Variants in ADAMTS14 observed in about 807,000 individuals in gnomAD.
ADAMTS14 encodes the protein A disintegrin and metalloproteinase with thrombospondin motifs 14.
In ADAMTS14, 100 loss-of-function variants were observed where a neutral mutation model predicts 128.6. That is an observed-to-expected ratio of 0.78 (90% confidence interval 0.66 to 0.92). The LOEUF (loss-of-function observed/expected upper bound fraction) is 0.92. ADAMTS14 is among the 40% of genes least tolerant of loss of function. The pLI, the probability that ADAMTS14 is intolerant of heterozygous loss-of-function variation, is 0.00. For missense variants in ADAMTS14, 1,562 were observed against 1,658.6 expected (o/e 0.94, Z 1.01); for synonymous variants, 665 against 653.8 (o/e 1.02, Z -0.26).
chr10:70,715,473 G>T (rs903776509), intron 4 of ADAMTS14, among the ~76,000 whole-genome samples: 1 of 152,060 alleles, frequency 6.6e-6, no homozygotes. Flanking sequence ...TGAGTGGCCT[G>T]GTCTGAGCCC....
At chr10:70,727,332 G>A (rs1041930255) in intron 4 of ADAMTS14, among the ~76,000 whole-genome samples, 17 of 152,334 alleles carry the variant, frequency 1.1e-4, no homozygotes, top group Non-Finnish European at 1.8e-4. Context: ...ACTCTTCTCC[G>A]TGTGGTGGAC....
chr10:70,734,986 G>A (rs764717928), intron 8 of ADAMTS14, among the ~76,000 whole-genome samples, 183 bp from the exon 9 acceptor site: 4 of 152,242 alleles, frequency 2.6e-5, no homozygotes, highest in Non-Finnish European at 5.9e-5. Flanking sequence ...ACTGGTGGGA[G>A]TGAGGTCCTG....
Position 70,738,976 on chromosome 10 carries a change from C to T in ADAMTS14, c.1734C>T (p.Ser578=). The change falls in exon 11 of 22, where the codon AGC becomes AGT. Residue 578 remains serine (S), a synonymous_variant. Coordinates refer to ENST00000373207, the MANE Select transcript of ADAMTS14 (RefSeq NM_080722.4). Reference sequence around the variant, plus strand: ...GCGGGGTGCGATCCCGCAGCCGGAGCTGCAACAACCCCTCGTGAGTGTGCT... The same window carrying T: ...GCGGGGTGCGATCCCGCAGCCGGAGTTGCAACAACCCCTCGTGAGTGTGCT... ...CGGGVRSRSR[S]CNNPSPAYGG... 1 of 1,610,712 alleles carries T rather than the reference C, an allele frequency of 6.2e-7. No homozygotes were observed. The highest frequency in any genetic ancestry group is 1.1e-5 in the South Asian group (1 of 90,676).
At chr10:70,720,421 T>A (rs75624722) in intron 4 of ADAMTS14, among the ~76,000 whole-genome samples, 2 of 152,190 alleles carry the variant, frequency 1.3e-5, no homozygotes, top group Non-Finnish European at 2.9e-5. Flanking sequence ...CAATGTGGTA[T>A]GTGGCATAAA....
intron 6 of ADAMTS14, 132 bp from the exon 7 acceptor site, chr10:70,732,122 G>A (rs1841658010): frequency 2.5e-6 from 2 of 787,434 alleles, no homozygotes; most frequent in Admixed American, 4.1e-5. Context: ...GACTTTGTGA[G>A]CATCTGTCTT....
chr10:70,713,759 C>T (rs969715652), intron 4 of ADAMTS14, among the ~76,000 whole-genome samples: 7 of 152,132 alleles, frequency 4.6e-5, no homozygotes, highest in African/African-American at 1.7e-4. Flanking sequence ...TGAGTTGGAG[C>T]AGGACCTGTG....
In ADAMTS14 at chr10:70,760,854, GCTGTGCC is replaced by G. The variant is rs761111957; in HGVS notation, c.*5_*11del. The G allele has an allele frequency of 2.6e-6, 4 of 1,558,174 alleles. No individual in the cohort carries two copies. Among genetic ancestry groups the G allele is most frequent in the Non-Finnish European group, 3.5e-6 (4 of 1,150,324 alleles). ...CCCTGCTGCCTCCCCGGTGACATGA[GCTGTGCC>G]CTGCCATCCCACTGGCACGTTTACA... On this transcript the variant is annotated 3_prime_UTR_variant, in exon 22 of 22. Coordinates refer to ENST00000373207, the MANE Select transcript of ADAMTS14 (RefSeq NM_080722.4).
chr10:70,760,905 G>A lies in ADAMTS14; in HGVS notation c.*52G>A. 6 of 1,508,096 alleles carry A rather than the reference G, an allele frequency of 4.0e-6. No individual in the cohort carries two copies. Among genetic ancestry groups the A allele is most frequent in the African/African-American group, 1.4e-5 (1 of 71,824 alleles). 93.4% of individuals were successfully genotyped at this position (1,508,096 alleles called of 1,614,324 possible). On this transcript the variant is annotated 3_prime_UTR_variant, in exon 22 of 22. Transcript: ENST00000373207. ...GTTTACACTCTGTGTACTGCCCCGT[G>A]ACTCCCAGCTCAGAGGACACACATA... is the stretch of plus-strand genomic sequence containing the variant.
intron 2 of ADAMTS14, among the ~76,000 whole-genome samples, chr10:70,684,540 C>T (rs972807784): frequency 1.8e-4 from 27 of 152,248 alleles, no homozygotes. Flanking sequence ...CACATTGCCC[C>T]TAGGCAAGTG....
intron 10 of ADAMTS14, among the ~76,000 whole-genome samples, chr10:70,737,807 G>A (rs1402367382): frequency 6.6e-6 from 1 of 152,148 alleles, no homozygotes; most frequent in Non-Finnish European, 1.5e-5. Flanking sequence ...GCTGCATATT[G>A]GAATCATCCT....
chr10:70,727,560 G>A (rs879244046), intron 4 of ADAMTS14, among the ~76,000 whole-genome samples: 11 of 84,538 alleles, frequency 1.3e-4, no homozygotes, highest in South Asian at 2.7e-4. Context: ...ATCCCTGACC[G>A]CGCTGGTGGC....
intron 4 of ADAMTS14, 101 bp downstream of exon 4, chr10:70,708,879 G>A (rs72814560): frequency 0.032 from 31,235 of 968,426 alleles, 688 homozygotes; most frequent in Middle Eastern, 0.046. Context: ...AGTTTCTGGG[G>A]CCTGGTATTT....
Position 70,736,133 on chromosome 10 carries a change from G to T in ADAMTS14, c.1486-547G>T, listed in dbSNP as rs184854555. Among the ~76,000 whole-genome samples the T allele has an allele frequency of 5.9e-5, 9 of 152,344 alleles. No homozygotes were observed. In the East Asian group the frequency reaches 1.7e-3, roughly 29 times the overall value. ...GCTGTACTTGTAGGATGCTTGTCTG[G>T]CTGGCAGGGGATAAGAGGGAATATT... On this transcript the variant is annotated intron_variant, in intron 9 of 21. Transcript: ENST00000373207.
chr10:70,725,265 C>T (rs939533797), intron 4 of ADAMTS14, among the ~76,000 whole-genome samples: 3 of 151,950 alleles, frequency 2.0e-5, no homozygotes, highest in Admixed American at 1.3e-4. Context: ...CAGCAGAGGA[C>T]GTGGAAGGGA....
At chr10:70,702,873 C>T (rs1840540481) in intron 3 of ADAMTS14, among the ~76,000 whole-genome samples, 1 of 152,132 alleles carries the variant, frequency 6.6e-6, no homozygotes, top group Admixed American at 6.5e-5. Flanking sequence ...TGCCTGGTGT[C>T]TGGGCGTCAT....
At position 70,672,704 on chromosome 10, in the gene ADAMTS14, C is replaced by G. The variant is rs940492554; in HGVS notation, c.-99C>G. 2.3e-6 allele frequency: 3 copies of G among 1,319,792 alleles called. No individual in the cohort carries two copies. The African/African-American group carries it at 4.6e-5, about 20-fold the overall frequency. The allele number at this position is 1,319,792 out of a possible 1,614,324, so 81.8% of individuals were successfully genotyped here. On this transcript the variant is annotated 5_prime_UTR_variant, in exon 1 of 22. Transcript: ENST00000373207. ...CTGAGGCGGCAGCGGCGGCAGCCAG[C>G]CGGTGCTCCGACAGCCCGGGGCGCA...
chr10:70,732,762 C>G (rs958525298), intron 7 of ADAMTS14, among the ~76,000 whole-genome samples: 1 of 152,210 alleles, frequency 6.6e-6, no homozygotes, highest in Non-Finnish European at 1.5e-5. Context: ...TTGATCCAGC[C>G]CACCCTGATA....
At chr10:70,699,279 G>A (rs1840426404) in intron 2 of ADAMTS14, among the ~76,000 whole-genome samples, 1 of 152,096 alleles carries the variant, frequency 6.6e-6, no homozygotes, top group Admixed American at 6.5e-5. Flanking sequence ...TGTGCAATGG[G>A]TCTAACATTA....
rs774002711 is a variant in ADAMTS14 at position 70,730,098 on chromosome 10, G to A, written c.955-4G>A. On this transcript the variant is annotated splice_polypyrimidine_tract_variant and splice_region_variant and intron_variant, in intron 5 of 21. Coordinates refer to ENST00000373207, the MANE Select transcript of ADAMTS14 (RefSeq NM_080722.4). ...GGCTGTTGGTGCTCTCCCGGCCCCTGCAGTCCCTGAGCCTGATCGAGCGCG... is the reference window on the plus strand; with the variant it reads ...GGCTGTTGGTGCTCTCCCGGCCCCTACAGTCCCTGAGCCTGATCGAGCGCG... 6.3e-7 allele frequency: 1 copy of A among 1,591,318 alleles called. No individual in the cohort carries two copies.
Sources: allele counts gnomAD v4.1 joint callset (sites outside exome capture counted in the v4.1 genomes callset), GRCh38; gene constraint gnomAD v4.1.1; transcripts MANE v1.5; gene names NCBI Gene and HGNC (gene_info 2026-07-23, HGNC 2026-07-21).